The following MPP7 variants were observed in gnomAD, a reference collection of about 807,000 sequenced individuals.
MPP7 encodes the protein MAGUK p55 subfamily member 7.
MPP7 carries 60 observed loss-of-function variants against 76.5 expected under a neutral mutation model. The ratio of observed to expected loss-of-function variants is 0.78; its 90% CI spans 0.64 to 0.97. The LOEUF (loss-of-function observed/expected upper bound fraction) is 0.97, where lower values mean the gene tolerates loss of function less well. MPP7 is among the 50% of genes least tolerant of loss of function. The pLI is 0.00. For missense variants in MPP7, 641 were observed against 694.0 expected (o/e 0.92, Z 0.86); for synonymous variants, 237 against 244.5 (o/e 0.97, Z 0.29).
intron 11 of MPP7, among the ~76,000 whole-genome samples, chr10:28,093,466 G>A (rs1853416839): frequency 7.2e-6 from 1 of 138,496 alleles, no homozygotes; most frequent in Admixed American, 7.5e-5. Flanking sequence ...TTTTTCTTGA[G>A]ACAGGGTCTC....
chr10:28,268,970 C>A (rs1411036221), intron 1 of MPP7, among the ~76,000 whole-genome samples: 1 of 152,104 alleles, frequency 6.6e-6, no homozygotes, highest in African/African-American at 2.4e-5. Flanking sequence ...ACTCATGAAA[C>A]TACTCTTCCT....
intron 11 of MPP7, among the ~76,000 whole-genome samples, chr10:28,105,455 G>A (rs1011328721): frequency 6.6e-6 from 1 of 152,140 alleles, no homozygotes; most frequent in African/African-American, 2.4e-5. Flanking sequence ...GGACTGCGAT[G>A]AACTGAAGTG....
chr10:28,129,307 C>T lies in MPP7; in HGVS notation c.447+2253G>A, dbSNP rs778672776. ...AATATTTTAAAAATTACTTATTTTC[C>T]TACATAATTATTTTGAATTTATTCT... is the stretch of plus-strand genomic sequence containing the variant. On this transcript the variant is annotated intron_variant, in intron 6 of 16. Transcript: ENST00000683449. 3.6e-4 allele frequency among the ~76,000 whole-genome samples: 55 copies of T among 152,104 alleles called. 1 individual carries two copies. The highest frequency in any genetic ancestry group is 5.0e-4 in the Non-Finnish European group (34 of 67,994).
At chr10:28,165,840 C>G (rs909126612) in intron 3 of MPP7, among the ~76,000 whole-genome samples, 1 of 152,012 alleles carries the variant, frequency 6.6e-6, no homozygotes, top group African/African-American at 2.4e-5. Context: ...GCCTGGCCAA[C>G]ATGGTGAAAC....
chr10:28,056,394 A>T, intron 16 of MPP7, 86 bp downstream of exon 16: 1 of 1,407,944 alleles, frequency 7.1e-7, no homozygotes, highest in Non-Finnish European at 9.6e-7. Context: ...CCTGGACTCA[A>T]ATGATCCTCC....
At chr10:28,264,429 G>C (rs1355342472) in intron 1 of MPP7, among the ~76,000 whole-genome samples, 1 of 152,116 alleles carries the variant, frequency 6.6e-6, no homozygotes, top group Non-Finnish European at 1.5e-5. Flanking sequence ...TGAGACCACA[G>C]ATCCTCAGGA....
Position 28,053,851 on chromosome 10 carries a change from A to T in MPP7, c.*214T>A. The T allele has an allele frequency of 1.7e-6, 1 of 575,494 alleles. No homozygotes were observed. 35.6% of individuals were successfully genotyped at this position (575,494 alleles called of 1,614,324 possible). On this transcript the variant is annotated 3_prime_UTR_variant, in exon 17 of 17. Coordinates refer to ENST00000683449, the MANE Select transcript of MPP7 (RefSeq NM_001318170.2). ...GAGAAGGTTTGAGGTTTTGCTTAGA[A>T]TACAGTACTGTGCATATTTTGATTT...
intron 1 of MPP7, among the ~76,000 whole-genome samples, chr10:28,243,537 T>C (rs528218418): frequency 2.6e-5 from 4 of 152,176 alleles, no homozygotes; most frequent in Non-Finnish European, 5.9e-5. Context: ...GATTGATCAA[T>C]GGATTTAAAG....
intron 12 of MPP7, among the ~76,000 whole-genome samples, chr10:28,086,832 T>C (rs1411361609): frequency 1.3e-5 from 2 of 152,064 alleles, no homozygotes; most frequent in African/African-American, 4.8e-5. Flanking sequence ...CCCCGCTGAA[T>C]ACAGCCCAAA....
intron 1 of MPP7, among the ~76,000 whole-genome samples, chr10:28,331,579 A>G (rs953115110): frequency 2.0e-5 from 3 of 151,886 alleles, no homozygotes; most frequent in Non-Finnish European, 2.9e-5. Flanking sequence ...AATTATTAGT[A>G]TTATTATTAT....
At chr10:28,333,627 T>C (rs1046473360) in intron 1 of MPP7, among the ~76,000 whole-genome samples, 4 of 152,250 alleles carry the variant, frequency 2.6e-5, no homozygotes, top group Non-Finnish European at 4.4e-5. Context: ...AACTAAAGTC[T>C]AGTGCAAATT....
chr10:28,119,634 C>A lies in MPP7; in HGVS notation c.952+17G>T, dbSNP rs973485613. The A allele has an allele frequency of 1.9e-6, 3 of 1,608,796 alleles. No individual in the cohort carries two copies. Among genetic ancestry groups the A allele is most frequent in the Non-Finnish European group, 2.6e-6 (3 of 1,175,398 alleles). On this transcript the variant is annotated intron_variant, in intron 11 of 16. Coordinates refer to ENST00000683449, the MANE Select transcript of MPP7 (RefSeq NM_001318170.2). ...CATCAGGGTTTGGTTTCTCTGCATTCTTATTAACAAACTTACATGATTTCC... is the reference window on the plus strand; with the variant it reads ...CATCAGGGTTTGGTTTCTCTGCATTATTATTAACAAACTTACATGATTTCC...
At chr10:28,250,209 A>T (rs1449696250) in intron 1 of MPP7, among the ~76,000 whole-genome samples, 2 of 152,150 alleles carry the variant, frequency 1.3e-5, no homozygotes, top group Non-Finnish European at 2.9e-5. Context: ...TCAATAGAGT[A>T]TTTAGGGGTG....
Position 28,119,652 on chromosome 10 carries a change from T to C in MPP7, c.951A>G (p.Ser317=), listed in dbSNP as rs769397398. 36 of 1,612,772 alleles carry C rather than the reference T, an allele frequency of 2.2e-5. No homozygotes were observed. The highest frequency in any genetic ancestry group is 1.6e-4 in the Middle Eastern group (1 of 6,078). ...CTGCATTCTTATTAACAAACTTACATGATTTCCTGTTGGAAACTTTCAGGG... is the reference window on the plus strand; with the variant it reads ...CTGCATTCTTATTAACAAACTTACACGATTTCCTGTTGGAAACTTTCAGGG... ...VQPLKVSNRK[S]SGFRKSFRLS... Residue 317 remains serine, a splice_region_variant and synonymous_variant, in exon 11 of 17, where the codon TCA becomes TCG. Coordinates refer to ENST00000683449, the MANE Select transcript of MPP7 (RefSeq NM_001318170.2).
intron 13 of MPP7, among the ~76,000 whole-genome samples, chr10:28,069,442 A>C (rs981896618): frequency 6.6e-6 from 1 of 151,994 alleles, no homozygotes; most frequent in African/African-American, 2.4e-5. Flanking sequence ...GTCTCTACTA[A>C]AAGTACAAAA....
At chr10:28,068,644 C>T (rs1210186422) in intron 13 of MPP7, among the ~76,000 whole-genome samples, 2 of 152,074 alleles carry the variant, frequency 1.3e-5, no homozygotes, top group Non-Finnish European at 2.9e-5. Flanking sequence ...AACTATATAG[C>T]CATGAAAAGC....
rs1851355584 is a variant in MPP7 at position 28,051,443 on chromosome 10, CTTT to C, written c.*2619_*2621del. On this transcript the variant is annotated 3_prime_UTR_variant, in exon 17 of 17. Coordinates refer to ENST00000683449, the MANE Select transcript of MPP7 (RefSeq NM_001318170.2). ...GTAAAAAATTAAATTTTACTTTCAC[CTTT>C]TTATGTTTGATTGACTACAGTCAAT... 3.9e-5 allele frequency: 6 copies of C among 152,066 alleles called. No individual in the cohort carries two copies. Among genetic ancestry groups the C allele is most frequent in the Admixed American group, 3.9e-4 (6 of 15,266 alleles). 9.4% of individuals were successfully genotyped at this position (152,066 alleles called of 1,614,324 possible).
At chr10:28,317,785 T>G (rs1045753864) in intron 2 of MPP7, among the ~76,000 whole-genome samples, 9 of 152,184 alleles carry the variant, frequency 5.9e-5, no homozygotes, top group African/African-American at 2.2e-4. Context: ...GTGGCCGCCA[T>G]GCCTGGTCCA....
chr10:28,130,018 T>C (rs575792182), intron 6 of MPP7, among the ~76,000 whole-genome samples: 1 of 152,298 alleles, frequency 6.6e-6, no homozygotes, highest in East Asian at 1.9e-4. Context: ...CATTATCTAA[T>C]ACCCACATAA....
Sources: allele counts gnomAD v4.1 joint callset (sites outside exome capture counted in the v4.1 genomes callset), GRCh38; gene constraint gnomAD v4.1.1; transcripts MANE v1.5; gene names NCBI Gene and HGNC (gene_info 2026-07-23, HGNC 2026-07-21).